The following GRM5 variants were observed in gnomAD, a reference collection of about 807,000 sequenced individuals.
The protein encoded by GRM5 is metabotropic glutamate receptor 5.
A neutral mutation model predicts 83.1 loss-of-function variants in GRM5; 19 were observed. The observed-to-expected ratio is 0.23, with a 90% confidence interval of 0.16 to 0.34. The LOEUF is 0.34. GRM5 is among the 10% of genes least tolerant of loss of function. GRM5 has a pLI of 1.00. For missense variants in GRM5, 1,160 were observed against 1,588.3 expected (o/e 0.73, Z 4.58); for synonymous variants, 675 against 633.6 (o/e 1.07, Z -0.98).
intron 3 of GRM5, among the ~76,000 whole-genome samples, chr11:88,834,737 T>TTGCAAA (rs1250905957): frequency 6.6e-6 from 1 of 152,182 alleles, no homozygotes; most frequent in Non-Finnish European, 1.5e-5. Context: ...CAGACGTGAT[T>TTGCAAA]TGCAAAGGCC....
intron 3 of GRM5, among the ~76,000 whole-genome samples, chr11:88,687,756 T>G (rs1940684781): frequency 6.7e-6 from 1 of 148,876 alleles, no homozygotes; most frequent in Non-Finnish European, 1.5e-5. Flanking sequence ...AGCAACATTA[T>G]TTAATTAACT....
At chr11:88,609,973 C>A (rs1382584247) in intron 4 of GRM5, among the ~76,000 whole-genome samples, 2 of 152,126 alleles carry the variant, frequency 1.3e-5, no homozygotes, top group Non-Finnish European at 2.9e-5. Flanking sequence ...ATCCCAGCAC[C>A]ATTTATTGGA....
At chr11:88,938,838 T>C (rs1937989323) in intron 2 of GRM5, among the ~76,000 whole-genome samples, 1 of 151,776 alleles carries the variant, frequency 6.6e-6, no homozygotes, top group Non-Finnish European at 1.5e-5. Context: ...ACATATATTT[T>C]TGATTTCCTA....
At chr11:88,763,073 T>C (rs1329293579) in intron 3 of GRM5, among the ~76,000 whole-genome samples, 1 of 151,766 alleles carries the variant, frequency 6.6e-6, no homozygotes, top group Non-Finnish European at 1.5e-5. Flanking sequence ...TGATGAGTAC[T>C]AGGTTTAACA....
intron 2 of GRM5, among the ~76,000 whole-genome samples, chr11:89,017,119 T>C (rs112848805): frequency 6.6e-6 from 1 of 152,106 alleles, no homozygotes; most frequent in East Asian, 1.9e-4. Flanking sequence ...CACCATAGAA[T>C]AAACTATATA....
At chr11:88,696,911 A>G (rs1940917781) in intron 3 of GRM5, among the ~76,000 whole-genome samples, 1 of 152,228 alleles carries the variant, frequency 6.6e-6, no homozygotes, top group Non-Finnish European at 1.5e-5. Flanking sequence ...GTGAGATTTT[A>G]AAAGAATCTT....
intron 3 of GRM5, among the ~76,000 whole-genome samples, chr11:88,703,616 T>C (rs1237834658): frequency 6.6e-6 from 1 of 151,960 alleles, no homozygotes; most frequent in Non-Finnish European, 1.5e-5. Context: ...CGGTGGGAGG[T>C]AATTGAATCA....
intron 2 of GRM5, among the ~76,000 whole-genome samples, chr11:89,001,247 G>A (rs886121149): frequency 5.3e-5 from 8 of 151,984 alleles, no homozygotes; most frequent in African/African-American, 1.7e-4. Context: ...GAAAACTTCT[G>A]CTTGCACACA....
intron 2 of GRM5, among the ~76,000 whole-genome samples, chr11:88,856,058 A>T (rs924346227): frequency 2.0e-5 from 3 of 152,072 alleles, no homozygotes; most frequent in Non-Finnish European, 4.4e-5. Flanking sequence ...AATAAGTGTA[A>T]CCTTCTACAA....
At chr11:88,902,784 C>G (rs1945333287) in intron 2 of GRM5, among the ~76,000 whole-genome samples, 1 of 151,778 alleles carries the variant, frequency 6.6e-6, no homozygotes, top group African/African-American at 2.4e-5. Flanking sequence ...AACCCTGTCT[C>G]TACTAAAAAT....
intron 2 of GRM5, among the ~76,000 whole-genome samples, chr11:89,015,585 C>G (rs533933584): frequency 1.1e-4 from 17 of 152,232 alleles, no homozygotes; most frequent in Middle Eastern, 3.4e-3. Context: ...AGGCAATGGC[C>G]AGTTCATTTT....
At chr11:88,541,199 C>T (rs1458163414) in intron 8 of GRM5, among the ~76,000 whole-genome samples, 1 of 152,112 alleles carries the variant, frequency 6.6e-6, no homozygotes, top group Non-Finnish European at 1.5e-5. Context: ...TTCCACACTG[C>T]CGAGTGTCTA....
chr11:88,569,761 C>T (rs1942947462), intron 7 of GRM5, among the ~76,000 whole-genome samples: 1 of 152,212 alleles, frequency 6.6e-6, no homozygotes, highest in African/African-American at 2.4e-5. Context: ...TATGCATATC[C>T]ACATCTTCTT....
At chr11:89,001,602 G>T (rs1171506568) in intron 2 of GRM5, among the ~76,000 whole-genome samples, 1 of 152,088 alleles carries the variant, frequency 6.6e-6, no homozygotes, top group African/African-American at 2.4e-5. Context: ...GATCTTTGTG[G>T]TGGTGGAGCT....
Position 88,653,267 on chromosome 11 carries a change from G to A in GRM5, c.1048C>T (p.His350Tyr), listed in dbSNP as rs756826001. 1 of 1,613,088 alleles carries A rather than the reference G, an allele frequency of 6.2e-7. No homozygotes were observed. Among genetic ancestry groups the A allele is most frequent in the African/African-American group, 1.3e-5 (1 of 74,844 alleles). The change falls in exon 4 of 10, where the codon CAC becomes TAC. Residue 350 changes from histidine to tyrosine, a missense_variant. Around this residue, in one of 9 missense-constraint regions of GRM5, gnomAD observed 132 missense variants for 197.6 expected, o/e 0.67. Transcript: ENST00000305447. The stretch of plus-strand genomic sequence containing the variant: ...AATTCTTGAAACCAAGGGTTTCGGT[G>A]GTTTGTTTCTGGCCGGAGCTTCAGA... ...YYLKLRPETN[H>Y]RNPWFQEFWQ...
intron 9 of GRM5, among the ~76,000 whole-genome samples, chr11:88,514,754 G>A (rs1941476301): frequency 6.6e-6 from 1 of 152,150 alleles, no homozygotes; most frequent in Admixed American, 6.5e-5. Flanking sequence ...GAAGTTTCAA[G>A]GAAGGATTTG....
chr11:88,727,941 A>G (rs1201294478), intron 3 of GRM5, among the ~76,000 whole-genome samples: 1 of 152,224 alleles, frequency 6.6e-6, no homozygotes, highest in Non-Finnish European at 1.5e-5. Flanking sequence ...TCTAAAATCA[A>G]CACATTAACA....
At chr11:88,911,120 T>C (rs867117004) in intron 2 of GRM5, among the ~76,000 whole-genome samples, 9 of 152,104 alleles carry the variant, frequency 5.9e-5, no homozygotes, top group African/African-American at 2.2e-4. Context: ...AAGTCACGTG[T>C]TCCCAAAAGA....
At chr11:88,646,338 T>A (rs1477535074) in intron 4 of GRM5, among the ~76,000 whole-genome samples, 1 of 143,194 alleles carries the variant, frequency 7.0e-6, no homozygotes, top group Non-Finnish European at 1.6e-5. Context: ...ATTCGACTTA[T>A]AATTTAAGTT....
Sources: allele counts gnomAD v4.1 joint callset (sites outside exome capture counted in the v4.1 genomes callset), GRCh38; gene constraint gnomAD v4.1.1; regional missense constraint gnomAD v4.1.1; transcripts MANE v1.5; gene names NCBI Gene and HGNC (gene_info 2026-07-23, HGNC 2026-07-21).